The following LPCAT2 variants were observed in gnomAD, a reference collection of about 807,000 sequenced individuals.
LPCAT2 encodes lysophosphatidylcholine acyltransferase 2.
LPCAT2 carries 58 observed loss-of-function variants against 64.7 expected under a neutral mutation model. That is an observed-to-expected ratio of 0.90 (90% CI 0.73 to 1.12). The LOEUF (loss-of-function observed/expected upper bound fraction) is 1.12. Among genes scored for constraint, LPCAT2 ranks in the 50% most tolerant of loss-of-function variants. The pLI is 0.00. For synonymous variants in LPCAT2, 252 were observed against 245.3 expected, an observed-to-expected ratio of 1.03 and a Z score of -0.26; for missense variants, 579 against 669.8, an observed-to-expected ratio of 0.86 and a Z score of 1.50.
intron 2 of LPCAT2, among the ~76,000 whole-genome samples, chr16:55,528,021 C>T (rs1337332853): frequency 6.6e-6 from 1 of 152,180 alleles, no homozygotes; most frequent in African/African-American, 2.4e-5. Flanking sequence ...TCATGTTTAA[C>T]ACTTTATAGT....
chr16:55,578,149 T>C (rs1963848641), intron 12 of LPCAT2, among the ~76,000 whole-genome samples: 1 of 152,190 alleles, frequency 6.6e-6, no homozygotes. Context: ...TCCTCTTCAC[T>C]ACTCATACCT....
chr16:55,578,953 GTGT>G (rs1963859135), intron 12 of LPCAT2, 153 bp from the exon 13 acceptor site: 3 of 677,942 alleles, frequency 4.4e-6, no homozygotes, highest in South Asian at 1.8e-5. Context: ...CAAGCTACAG[GTGT>G]TGTGAGGGTA....
At chr16:55,567,082 C>G (rs773580049) in intron 11 of LPCAT2, 1 of 1,613,788 alleles carries the variant, frequency 6.2e-7, no homozygotes, top group Admixed American at 1.7e-5. Context: ...AAAGTCCTTT[C>G]TAAGCACAAA....
chr16:55,542,978 C>T (rs1390972008), intron 8 of LPCAT2, among the ~76,000 whole-genome samples: 2 of 152,114 alleles, frequency 1.3e-5, no homozygotes, highest in African/African-American at 4.8e-5. Flanking sequence ...ATATAGATGT[C>T]TGTTGGGAAC....
At chr16:55,536,273 T>G (rs1250517325) in intron 7 of LPCAT2, among the ~76,000 whole-genome samples, 1 of 152,192 alleles carries the variant, frequency 6.6e-6, no homozygotes, top group Non-Finnish European at 1.5e-5. Flanking sequence ...TTAGAGAAGT[T>G]TTGTATCAGA....
At chr16:55,561,782 CT>C (rs1190930147) in intron 11 of LPCAT2, among the ~76,000 whole-genome samples, 3 of 151,958 alleles carry the variant, frequency 2.0e-5, no homozygotes, top group Non-Finnish European at 2.9e-5. Flanking sequence ...GAAGAGAGTT[CT>C]TTTGTGATAC....
rs767604615 is a variant in LPCAT2, at chr16:55,509,295, G to T, written c.114G>T (p.Pro38=). The change falls in exon 1 of 14, where the codon CCG becomes CCT. Residue 38 remains proline (P), a synonymous_variant. Transcript: ENST00000262134. The stretch of plus-strand genomic sequence containing the variant: ...CCCGTCAGGCGTCCTTCTTCCCGCC[G>T]CCGGTGCCGAACCCCTTCGTGCAGC... ...MVPRQASFFP[P]PVPNPFVQQT... is the part of the protein sequence containing the mutation. The T allele has an allele frequency of 6.6e-7, 1 of 1,512,520 alleles. No homozygotes were observed. Among genetic ancestry groups the T allele is most frequent in the Non-Finnish European group, 8.9e-7 (1 of 1,122,802 alleles). The allele number at this position is 1,512,520 out of a possible 1,614,324, so 93.7% of individuals were successfully genotyped here.
intron 13 of LPCAT2, among the ~76,000 whole-genome samples, chr16:55,580,960 C>T (rs1338993164): frequency 6.6e-6 from 1 of 152,190 alleles, no homozygotes; most frequent in African/African-American, 2.4e-5. Flanking sequence ...TCCCCTTTAC[C>T]ATCCATGGAA....
chr16:55,552,065 A>G (rs2142400760), intron 11 of LPCAT2, among the ~76,000 whole-genome samples: 1 of 152,314 alleles, frequency 6.6e-6, no homozygotes, highest in East Asian at 1.9e-4. Context: ...GAAAAAATAT[A>G]TATATTTTCT....
intron 10 of LPCAT2, among the ~76,000 whole-genome samples, chr16:55,550,684 G>A (rs1008696883): frequency 2.6e-5 from 4 of 152,178 alleles, no homozygotes; most frequent in Admixed American, 1.3e-4. Flanking sequence ...GGGAGGCCGA[G>A]GCAGGCGGAT....
chr16:55,567,283 G>T, intron 11 of LPCAT2: 1 of 1,613,644 alleles, frequency 6.2e-7, no homozygotes, highest in Non-Finnish European at 8.5e-7. Context: ...CAGCTGCGGG[G>T]AGCTCTGCAG....
chr16:55,545,372 G>A, intron 8 of LPCAT2: 1 of 173,566 alleles, frequency 5.8e-6, no homozygotes, highest in East Asian at 1.5e-4. Context: ...CACATAAAGG[G>A]ATGAGAGTGG....
In LPCAT2 at chr16:55,541,897, T is replaced by A. The variant is rs1329603745; in HGVS notation, c.853-3838T>A. 18 of 1,287,158 alleles carry A rather than the reference T, an allele frequency of 1.4e-5. No homozygotes were observed. The East Asian group carries it at 9.4e-4, about 67-fold the overall frequency. The allele number at this position is 1,287,158 out of a possible 1,614,324, so 79.7% of individuals were successfully genotyped here. The stretch of plus-strand genomic sequence containing the variant: ...ATTGTTTAAAAATATCTTCCTTCTT[T>A]TGCATTTTTTCTCTTCGAAGATTTA... On this transcript the variant is annotated intron_variant, in intron 8 of 13. Transcript: ENST00000262134.
rs1963229148 is a variant in LPCAT2, at chr16:55,529,900, A to G, written c.595A>G (p.Ile199Val). ...AGATCCGGATTCCCGAAAAAACACA[A>G]TAAATGAAATAATAAAGCGAACAAC... is the stretch of plus-strand genomic sequence containing the variant. ...RVDPDSRKNT[I>V]NEIIKRTTSG... is the part of the protein sequence containing the mutation. The change falls in exon 4 of 14, where the codon ATA (isoleucine) becomes GTA (valine). Residue 199 changes from isoleucine (I) to valine (V), a missense_variant. Coordinates refer to ENST00000262134, the MANE Select transcript of LPCAT2 (RefSeq NM_017839.5). 1.3e-6 allele frequency: 2 copies of G among 1,541,072 alleles called. No individual in the cohort carries two copies. Among genetic ancestry groups the G allele is most frequent in the African/African-American group, 1.4e-5 (1 of 69,280 alleles).
chr16:55,516,772 C>A (rs1250117443), intron 1 of LPCAT2, among the ~76,000 whole-genome samples: 1 of 152,058 alleles, frequency 6.6e-6, no homozygotes, highest in Non-Finnish European at 1.5e-5. Flanking sequence ...TTGAAGAACA[C>A]TATAAACAGA....
chr16:55,531,805 G>T, intron 4 of LPCAT2, 109 bp from the exon 5 acceptor site: 3 of 703,714 alleles, frequency 4.3e-6, no homozygotes, highest in Non-Finnish European at 7.7e-6. Context: ...CTTTTATTTT[G>T]TTTTTGTTTT....
At chr16:55,527,025 G>A (rs1963180296) in intron 2 of LPCAT2, among the ~76,000 whole-genome samples, 1 of 152,048 alleles carries the variant, frequency 6.6e-6, no homozygotes, top group South Asian at 2.1e-4. Flanking sequence ...TTTGATAAAG[G>A]AATACACTTC....
At position 55,559,723 on chromosome 16, in the gene LPCAT2, G is replaced by A. The variant is rs140546065; in HGVS notation, c.1215+8621G>A. Among the ~76,000 whole-genome samples the A allele has an allele frequency of 8.3e-3, 1,221 of 147,028 alleles. 13 individuals carry two copies. Among genetic ancestry groups the A allele is most frequent in the Non-Finnish European group, 0.012 (795 of 67,242 alleles). On this transcript the variant is annotated intron_variant, in intron 11 of 13. Coordinates refer to ENST00000262134, the MANE Select transcript of LPCAT2 (RefSeq NM_017839.5). ...TTTGATTCCAATCCCAGTTACTCAG[G>A]ATTTGCTATATGAAGTCTATTCCAC...
intron 13 of LPCAT2, among the ~76,000 whole-genome samples, chr16:55,580,838 G>GTT (rs1555498383): frequency 0.54 from 81,595 of 151,454 alleles, 22,262 homozygotes; most frequent in East Asian, 0.7. Context: ...AGGAGCGCAT[G>GTT]AACCCTATTG....
Sources: allele counts gnomAD v4.1 joint callset (sites outside exome capture counted in the v4.1 genomes callset), GRCh38; gene constraint gnomAD v4.1.1; transcripts MANE v1.5; gene names NCBI Gene and HGNC (gene_info 2026-07-23, HGNC 2026-07-21).